The following NLGN4Y variants were observed in gnomAD, a reference collection of about 807,000 sequenced individuals.
The protein encoded by NLGN4Y is neuroligin 4 Y-linked, also known as neuroligin-4, Y-linked.
NLGN4Y carries 4 observed loss-of-function variants against 8.4 expected under a neutral mutation model. That is an observed-to-expected ratio of 0.48 (90% CI 0.23 to 1.09). The LOEUF (loss-of-function observed/expected upper bound fraction) is 1.09, where lower values mean the gene tolerates loss of function less well. Among genes scored for constraint, NLGN4Y ranks in the 50% least tolerant of loss-of-function variants. The pLI is 0.19. For synonymous variants in NLGN4Y, 35 were observed against 75.6 expected (o/e 0.46, Z 2.78); for missense variants, 90 against 192.3 (o/e 0.47, Z 3.15).
intron 4 of NLGN4Y, among the ~76,000 whole-genome samples, chrY:14,755,661 T>G: frequency 3.0e-5 from 1 of 33,279 alleles, no homozygotes; most frequent in Non-Finnish European, 7.4e-5. Context: ...CATAGAAAGA[T>G]CTCATCCCTT....
intron 4 of NLGN4Y, among the ~76,000 whole-genome samples, chrY:14,762,953 CAG>C (rs2081085104): frequency 3.0e-5 from 1 of 33,604 alleles, no homozygotes; most frequent in African/African-American, 1.2e-4. Context: ...TATATTTTCA[CAG>C]AATGTGAAGC....
chrY:14,549,131 G>A, intron 1 of NLGN4Y, among the ~76,000 whole-genome samples: 2 of 32,475 alleles, frequency 6.2e-5, no homozygotes, highest in African/African-American at 1.2e-4. Context: ...AGCTTACCCG[G>A]CTCCCTGCTC....
intron 2 of NLGN4Y, among the ~76,000 whole-genome samples, chrY:14,690,509 G>T: frequency 3.0e-5 from 1 of 32,795 alleles, no homozygotes; most frequent in East Asian, 8.2e-4. Flanking sequence ...TGATGAAAAA[G>T]TGAACAAGAC....
At chrY:14,796,863 C>T in intron 4 of NLGN4Y, among the ~76,000 whole-genome samples, 2 of 32,998 alleles carry the variant, frequency 6.1e-5, no homozygotes, top group Non-Finnish European at 1.5e-4. Flanking sequence ...ATTTTCACAT[C>T]ATAATTTTTT....
chrY:14,795,928 C>T, intron 4 of NLGN4Y, among the ~76,000 whole-genome samples: 1 of 32,702 alleles, frequency 3.1e-5, no homozygotes, highest in African/African-American at 1.2e-4. Context: ...GCTTGGTCCT[C>T]TTCTTAAGGT....
At chrY:14,721,114 C>T (rs2080932599) in intron 3 of NLGN4Y, among the ~76,000 whole-genome samples, 1 of 33,599 alleles carries the variant, frequency 3.0e-5, no homozygotes, top group Non-Finnish European at 7.4e-5. Context: ...TTTGAATTTG[C>T]TTTAATGTAA....
chrY:14,750,770 A>G, intron 4 of NLGN4Y, among the ~76,000 whole-genome samples: 1 of 32,686 alleles, frequency 3.1e-5, no homozygotes. Context: ...GTATTATGTT[A>G]TATTATCAAT....
At chrY:14,556,134 A>G (rs1016140906) in intron 1 of NLGN4Y, among the ~76,000 whole-genome samples, 1 of 32,947 alleles carries the variant, frequency 3.0e-5, no homozygotes, top group Admixed American at 2.8e-4. Flanking sequence ...GCTAGGCACC[A>G]GAGTGAGACT....
At chrY:14,670,782 A>G (rs1603502336) in intron 2 of NLGN4Y, among the ~76,000 whole-genome samples, 1 of 33,936 alleles carries the variant, frequency 2.9e-5, no homozygotes, top group East Asian at 7.7e-4. Context: ...GCAGAGAATA[A>G]TACATAAATT....
intron 2 of NLGN4Y, among the ~76,000 whole-genome samples, chrY:14,629,993 G>T: frequency 3.0e-5 from 1 of 33,641 alleles, no homozygotes; most frequent in East Asian, 7.8e-4. Flanking sequence ...TGAGAGATGT[G>T]CATGGCCTTC....
chrY:14,660,873 AT>A (rs2080672260), intron 2 of NLGN4Y, among the ~76,000 whole-genome samples: 1 of 33,058 alleles, frequency 3.0e-5, no homozygotes. Flanking sequence ...CACATTCAAA[AT>A]CCAATCTATT....
chrY:14,647,720 C>A (rs2080615891), intron 2 of NLGN4Y, among the ~76,000 whole-genome samples: 1 of 33,779 alleles, frequency 3.0e-5, no homozygotes. Flanking sequence ...ATAAATAATG[C>A]ACCATAAAAA....
intron 2 of NLGN4Y, among the ~76,000 whole-genome samples, chrY:14,642,946 T>C: frequency 3.0e-5 from 1 of 33,771 alleles, no homozygotes; most frequent in Admixed American, 2.7e-4. Flanking sequence ...GTTAGGAACC[T>C]GGCACTTTGG....
chrY:14,739,050 C>T (rs1603503374), intron 4 of NLGN4Y, among the ~76,000 whole-genome samples: 1 of 32,402 alleles, frequency 3.1e-5, no homozygotes. Flanking sequence ...CCACCAGAGG[C>T]CCCCTCTTCT....
intron 1 of NLGN4Y, among the ~76,000 whole-genome samples, chrY:14,564,338 T>G: frequency 1.5e-4 from 5 of 32,983 alleles, no homozygotes; most frequent in African/African-American, 5.9e-4. Context: ...GATCGGTGGG[T>G]CCCAACCTGA....
At chrY:14,781,818 A>G in intron 4 of NLGN4Y, among the ~76,000 whole-genome samples, 1 of 33,886 alleles carries the variant, frequency 3.0e-5, no homozygotes, top group Non-Finnish European at 7.3e-5. Flanking sequence ...TTTTTTATCT[A>G]TATTCTTATT....
At chrY:14,536,177 A>G (rs2150462668) in intron 1 of NLGN4Y, among the ~76,000 whole-genome samples, 1 of 29,380 alleles carries the variant, frequency 3.4e-5, no homozygotes, top group East Asian at 8.9e-4. Context: ...TTACACAGCA[A>G]TTTACACATA....
At chrY:14,822,619 C>T (rs778342442) in intron 4 of NLGN4Y, among the ~76,000 whole-genome samples, 4 of 33,924 alleles carry the variant, frequency 1.2e-4, no homozygotes, top group Non-Finnish European at 2.2e-4. Flanking sequence ...TAATAGGGGA[C>T]GAAAGCATTG....
intron 1 of NLGN4Y, among the ~76,000 whole-genome samples, chrY:14,572,434 G>C: frequency 3.3e-5 from 1 of 30,114 alleles, no homozygotes; most frequent in Non-Finnish European, 7.9e-5. Context: ...TTTGATTTTT[G>C]CACAGTGATT....
Sources: gnomAD v4.1 joint callset for allele counts (sites outside exome capture counted in the v4.1 genomes callset) on GRCh38, gnomAD v4.1.1 for gene constraint, MANE v1.5 for transcripts, NCBI Gene and HGNC (gene_info 2026-07-23, HGNC 2026-07-21) for gene names.